Variants in MACROD2 observed in about 807,000 individuals in gnomAD.
MACROD2 encodes ADP-ribose glycohydrolase MACROD2.
A neutral mutation model predicts 70.4 loss-of-function variants in MACROD2; 36 were observed. The observed-to-expected ratio is 0.51, with a 90% CI of 0.39 to 0.68. MACROD2 has a LOEUF of 0.68. MACROD2 is among the 30% of genes least tolerant of loss of function. The probability of loss-of-function intolerance (pLI) is 0.00; values close to 1 mark genes in which losing one functional copy is unlikely to be tolerated. For missense variants in MACROD2, 496 were observed against 538.4 expected (o/e 0.92, Z 0.78); for synonymous variants, 172 against 178.8 (o/e 0.96, Z 0.30).
chr20:14,315,163 C>G (rs1458021544), intron 3 of MACROD2, among the ~76,000 whole-genome samples: 3 of 152,148 alleles, frequency 2.0e-5, no homozygotes, highest in Non-Finnish European at 4.4e-5. Flanking sequence ...TTGGAATCAA[C>G]TTGTTTGTTG....
intron 4 of MACROD2, among the ~76,000 whole-genome samples, chr20:14,534,808 A>T (rs2085345436): frequency 6.6e-6 from 1 of 151,722 alleles, no homozygotes; most frequent in African/African-American, 2.4e-5. Context: ...CAGAGTCTAA[A>T]AATAGTTTTA....
chr20:15,557,096 T>C (rs1036244336), intron 8 of MACROD2, among the ~76,000 whole-genome samples: 2 of 152,164 alleles, frequency 1.3e-5, no homozygotes, highest in Non-Finnish European at 2.9e-5. Context: ...AAAATTCATA[T>C]GCAAATAATT....
rs556881999 is a variant in MACROD2, at chr20:14,356,820, C to G, written c.272-136659C>G. 1.3e-4 allele frequency among the ~76,000 whole-genome samples: 20 copies of G among 152,186 alleles called. No homozygotes were observed. The East Asian group carries it at 3.7e-3, about 28-fold the overall frequency. On this transcript the variant is annotated intron_variant, in intron 3 of 17. Coordinates refer to ENST00000684519, the MANE Select transcript of MACROD2 (RefSeq NM_001351661.2). ...GTGCCTGGCCTGGAGGATCTACTTT[C>G]AAGAGACCTCACGCACGGCTGGCAT...
At chr20:15,151,770 G>C (rs1468433186) in intron 5 of MACROD2, among the ~76,000 whole-genome samples, 1 of 152,002 alleles carries the variant, frequency 6.6e-6, no homozygotes, top group African/African-American at 2.4e-5. Flanking sequence ...AGAGTAAATT[G>C]CTGGGCAGGT....
chr20:14,970,315 T>C (rs1010526433), intron 5 of MACROD2, among the ~76,000 whole-genome samples: 2 of 152,136 alleles, frequency 1.3e-5, no homozygotes, highest in South Asian at 4.1e-4. Context: ...ATATCAATAG[T>C]ATATATCGTT....
intron 6 of MACROD2, among the ~76,000 whole-genome samples, chr20:15,287,845 C>A (rs2077505623): frequency 6.6e-6 from 1 of 152,182 alleles, no homozygotes; most frequent in Admixed American, 6.5e-5. Flanking sequence ...GAGCTATTGG[C>A]ATTTGCCATT....
chr20:14,702,551 G>A (rs941967877), intron 5 of MACROD2, among the ~76,000 whole-genome samples: 2 of 137,388 alleles, frequency 1.5e-5, no homozygotes, highest in Admixed American at 1.5e-4. Context: ...ATGTGTGTGT[G>A]TGTATATATA....
intron 8 of MACROD2, among the ~76,000 whole-genome samples, chr20:15,740,161 G>A (rs75417174): frequency 0.029 from 4,349 of 152,242 alleles, 129 homozygotes; most frequent in East Asian, 0.16. Context: ...GAATATGTGG[G>A]AGGGTTCTTT....
intron 8 of MACROD2, among the ~76,000 whole-genome samples, chr20:15,760,674 T>C (rs1278137269): frequency 6.6e-6 from 1 of 152,170 alleles, no homozygotes; most frequent in Non-Finnish European, 1.5e-5. Flanking sequence ...ATTTATGCTT[T>C]TACTTCAAGC....
At chr20:14,263,279 T>A (rs921004912) in intron 3 of MACROD2, among the ~76,000 whole-genome samples, 5 of 152,028 alleles carry the variant, frequency 3.3e-5, no homozygotes, top group African/African-American at 1.2e-4. Flanking sequence ...CATGGAAGAA[T>A]TGGAAAGCTA....
chr20:14,710,630 T>TAA (rs2032106482), intron 5 of MACROD2, among the ~76,000 whole-genome samples: 1 of 152,212 alleles, frequency 6.6e-6, no homozygotes, highest in African/African-American at 2.4e-5. Context: ...AGATCTCTTT[T>TAA]AAGATGATTC....
chr20:14,065,790 C>T (rs1175356116), intron 2 of MACROD2, among the ~76,000 whole-genome samples: 3 of 152,130 alleles, frequency 2.0e-5, no homozygotes, highest in South Asian at 2.1e-4. Context: ...CTGTTGCCTC[C>T]GTTTTTTACT....
intron 2 of MACROD2, chr20:14,052,029 C>A: frequency 2.3e-6 from 1 of 443,372 alleles, no homozygotes; most frequent in Non-Finnish European, 4.5e-6. Flanking sequence ...AGGTATTCTT[C>A]TTACATATTT....
intron 6 of MACROD2, among the ~76,000 whole-genome samples, chr20:15,370,638 T>C (rs2045479136): frequency 1.3e-5 from 2 of 152,074 alleles, no homozygotes; most frequent in Admixed American, 1.3e-4. Context: ...TTCACAGATA[T>C]TCATAAAACA....
intron 6 of MACROD2, among the ~76,000 whole-genome samples, chr20:15,406,199 G>A (rs562557432): frequency 1.3e-5 from 2 of 152,156 alleles, no homozygotes; most frequent in Admixed American, 6.5e-5. Context: ...ATTTACATTT[G>A]AATCACCTGC....
At chr20:14,235,669 T>G (rs2081862569) in intron 3 of MACROD2, among the ~76,000 whole-genome samples, 1 of 152,186 alleles carries the variant, frequency 6.6e-6, no homozygotes, top group African/African-American at 2.4e-5. Context: ...CTAGAGCAGT[T>G]GCATAACGTG....
intron 6 of MACROD2, among the ~76,000 whole-genome samples, chr20:15,427,460 C>G (rs2046313420): frequency 6.6e-6 from 1 of 152,138 alleles, no homozygotes; most frequent in African/African-American, 2.4e-5. Context: ...GGAGTTAGCC[C>G]AGATCAGTTC....
rs138224963 is a variant in MACROD2, at chr20:15,603,242, TA to T, written c.645+103397del. Among the ~76,000 whole-genome samples, 136 of 152,178 alleles carry T rather than the reference TA, an allele frequency of 8.9e-4. 1 individual carries two copies. Among genetic ancestry groups the T allele is most frequent in the African/African-American group, 3.3e-3 (136 of 41,502 alleles). ...AGGCTGGAGTGGTGGCTCATGCTTG[TA>T]ATCCCAGCACTTTGGGAGGCCGAAG... On this transcript the variant is annotated intron_variant, in intron 8 of 17. Coordinates refer to ENST00000684519, the MANE Select transcript of MACROD2 (RefSeq NM_001351661.2).
intron 5 of MACROD2, among the ~76,000 whole-genome samples, chr20:14,955,291 A>AATATAATTTTTATTATATATAATTT (rs2074525759): frequency 1.8e-5 from 2 of 111,158 alleles, no homozygotes; most frequent in Non-Finnish European, 3.8e-5. Context: ...TAGTTTATAT[A>AATATAATTTTTATTATATATAATTT]ATATAATATA....
Sources: allele counts gnomAD v4.1 joint callset (sites outside exome capture counted in the v4.1 genomes callset), GRCh38; gene constraint gnomAD v4.1.1; transcripts MANE v1.5; gene names NCBI Gene and HGNC (gene_info 2026-07-23, HGNC 2026-07-21).